Variants in CCDC85A observed in about 807,000 individuals in gnomAD.
CCDC85A encodes coiled-coil domain-containing protein 85A.
A neutral mutation model predicts 50.2 loss-of-function variants in CCDC85A; 38 were observed. That is an observed-to-expected ratio of 0.76 (90% CI 0.58 to 0.99). CCDC85A has a LOEUF of 0.99. Among genes scored for constraint, CCDC85A ranks in the 50% least tolerant of loss-of-function variants. The pLI is 0.00. For missense variants in CCDC85A, 820 were observed against 742.0 expected, an observed-to-expected ratio of 1.11 and a Z score of -1.22; for synonymous variants, 366 against 301.4, an observed-to-expected ratio of 1.21 and a Z score of -2.22.
At chr2:56,305,117 A>G (rs1672384734) in intron 2 of CCDC85A, among the ~76,000 whole-genome samples, 1 of 151,320 alleles carries the variant, frequency 6.6e-6, no homozygotes, top group Non-Finnish European at 1.5e-5. Context: ...AAAAAAAAAT[A>G]TAGGATATTA....
At chr2:56,329,736 C>T (rs768707885) in intron 2 of CCDC85A, among the ~76,000 whole-genome samples, 8 of 151,890 alleles carry the variant, frequency 5.3e-5, no homozygotes, top group Non-Finnish European at 1.2e-4. Context: ...TATGAATTCC[C>T]AATTGATTAA....
chr2:56,321,982 A>C (rs568354974), intron 2 of CCDC85A, among the ~76,000 whole-genome samples: 1 of 152,316 alleles, frequency 6.6e-6, no homozygotes, highest in South Asian at 2.1e-4. Context: ...CCTCAGAAAT[A>C]ATACCACACA....
At chr2:56,329,699 A>G (rs1573271792) in intron 2 of CCDC85A, among the ~76,000 whole-genome samples, 1 of 152,244 alleles carries the variant, frequency 6.6e-6, no homozygotes, top group Non-Finnish European at 1.5e-5. Flanking sequence ...TACAGAGTAT[A>G]TGCTGGCTAA....
chr2:56,343,986 T>C (rs1489463113), intron 3 of CCDC85A, among the ~76,000 whole-genome samples: 1 of 152,176 alleles, frequency 6.6e-6, no homozygotes, highest in Non-Finnish European at 1.5e-5. Flanking sequence ...TATCAGGTAC[T>C]GCACATAAGA....
chr2:56,352,792 C>T (rs866374890), intron 3 of CCDC85A, among the ~76,000 whole-genome samples: 6 of 152,190 alleles, frequency 3.9e-5, no homozygotes, highest in Admixed American at 1.3e-4. Context: ...CTAGAAATAA[C>T]ACCAAATAGG....
intron 2 of CCDC85A, among the ~76,000 whole-genome samples, chr2:56,235,632 A>G (rs920450407): frequency 1.3e-5 from 2 of 152,190 alleles, no homozygotes; most frequent in African/African-American, 4.8e-5. Flanking sequence ...CACAGGCATC[A>G]GTGTCATAAT....
intron 3 of CCDC85A, among the ~76,000 whole-genome samples, chr2:56,345,815 T>G (rs1173894620): frequency 6.6e-6 from 1 of 152,216 alleles, no homozygotes; most frequent in Non-Finnish European, 1.5e-5. Context: ...AGAAACTGTT[T>G]CTAACTATGA....
chr2:56,256,342 G>C (rs1337484543), intron 2 of CCDC85A, among the ~76,000 whole-genome samples: 1 of 152,104 alleles, frequency 6.6e-6, no homozygotes, highest in African/African-American at 2.4e-5. Flanking sequence ...TGGTGTATGA[G>C]AATTAATTAA....
At chr2:56,290,849 C>G (rs927376922) in intron 2 of CCDC85A, among the ~76,000 whole-genome samples, 2 of 152,256 alleles carry the variant, frequency 1.3e-5, no homozygotes, top group East Asian at 1.9e-4. Flanking sequence ...AAAATTGGCT[C>G]TTTTGCCACG....
chr2:56,301,707 A>G (rs1672212210), intron 2 of CCDC85A, among the ~76,000 whole-genome samples: 1 of 152,178 alleles, frequency 6.6e-6, no homozygotes, highest in African/African-American at 2.4e-5. Flanking sequence ...AGTTTAAAAG[A>G]TCAGAAAACC....
intron 1 of CCDC85A, among the ~76,000 whole-genome samples, chr2:56,189,647 A>G (rs1442024008): frequency 6.6e-6 from 1 of 152,072 alleles, no homozygotes; most frequent in African/African-American, 2.4e-5. Context: ...CGGAGAGTAC[A>G]CTGTGTGATG....
chr2:56,373,379 T>TAAA (rs113972496), intron 4 of CCDC85A, among the ~76,000 whole-genome samples: 1 of 138,292 alleles, frequency 7.2e-6, no homozygotes, highest in African/African-American at 2.6e-5. Flanking sequence ...ACTACTTTCA[T>TAAA]AAAAAAAAAA....
intron 2 of CCDC85A, among the ~76,000 whole-genome samples, chr2:56,221,502 A>G (rs1054917059): frequency 6.6e-6 from 1 of 152,058 alleles, no homozygotes; most frequent in Non-Finnish European, 1.5e-5. Flanking sequence ...AGTTAACTGT[A>G]TGTATTCCCA....
In CCDC85A at chr2:56,266,587, C is replaced by CCCCCT. The variant is rs1553402020; in HGVS notation, c.1240+73150_1240+73151insCTCCC. 2.2e-5 allele frequency among the ~76,000 whole-genome samples: 3 copies of CCCCCT among 136,462 alleles called. 1 individual carries two copies. Among genetic ancestry groups the CCCCCT allele is most frequent in the African/African-American group, 8.1e-5 (3 of 37,098 alleles). The allele number at this position is 136,462 out of a possible 152,430, so 89.5% of individuals were successfully genotyped here. A position where few individuals can be genotyped will look rare whatever the true frequency, so the allele number is the denominator to read the frequency against. On this transcript the variant is annotated intron_variant, in intron 2 of 5. Coordinates refer to ENST00000407595, the MANE Select transcript of CCDC85A (RefSeq NM_001080433.2). Reference sequence around the variant, plus strand: ...CAATTAACAATAACGCGCCCCCCCCCCCCATAATCTTCTTCCTCCAAAAAA... The same window carrying CCCCCT: ...CAATTAACAATAACGCGCCCCCCCCCCCCCTCCCATAATCTTCTTCCTCCAAAAAA...
rs903540615 is a variant in CCDC85A at position 56,203,403 on chromosome 2, A to G, written c.1240+9963A>G. On this transcript the variant is annotated intron_variant, in intron 2 of 5. Coordinates refer to ENST00000407595, the MANE Select transcript of CCDC85A (RefSeq NM_001080433.2). ...CTGTATCTCTTTAGCACTTAAATGG[A>G]CATCAAGTTCAAGTCTTCAGTCCCT... is the stretch of plus-strand genomic sequence containing the variant. Among the ~76,000 whole-genome samples the G allele has an allele frequency of 2.0e-5, 3 of 151,856 alleles. No individual in the cohort carries two copies. The East Asian group carries it at 5.8e-4, about 29-fold the overall frequency.
chr2:56,272,410 A>G (rs1374406926), intron 2 of CCDC85A, among the ~76,000 whole-genome samples: 1 of 152,162 alleles, frequency 6.6e-6, no homozygotes, highest in African/African-American at 2.4e-5. Flanking sequence ...GCAAGTCTGA[A>G]CACTCCCCAA....
At chr2:56,328,959 G>A (rs1673618642) in intron 2 of CCDC85A, among the ~76,000 whole-genome samples, 1 of 152,056 alleles carries the variant, frequency 6.6e-6, no homozygotes, top group Non-Finnish European at 1.5e-5. Flanking sequence ...ATCAGATTAT[G>A]TTGCCACAGT....
intron 2 of CCDC85A, among the ~76,000 whole-genome samples, chr2:56,326,397 T>C (rs1673473250): frequency 6.6e-6 from 1 of 152,180 alleles, no homozygotes; most frequent in African/African-American, 2.4e-5. Flanking sequence ...TCTGATTTGC[T>C]TGCTTGACCA....
At position 56,233,207 on chromosome 2, in the gene CCDC85A, T is replaced by C. The variant is rs78427308; in HGVS notation, c.1240+39767T>C. Among the ~76,000 whole-genome samples the C allele has an allele frequency of 2.6e-5, 4 of 152,306 alleles. No homozygotes were observed. The East Asian group carries it at 5.8e-4, about 22-fold the overall frequency. ...TGGGCTACTGATTGGTTGGTGCACA[T>C]TGATAGTACTTTCCCGGATAGGCAA... is the stretch of plus-strand genomic sequence containing the variant. On this transcript the variant is annotated intron_variant, in intron 2 of 5. Transcript: ENST00000407595.
Sources: gnomAD v4.1 joint callset for allele counts (sites outside exome capture counted in the v4.1 genomes callset) on GRCh38, gnomAD v4.1.1 for gene constraint, MANE v1.5 for transcripts, NCBI Gene and HGNC (gene_info 2026-07-23, HGNC 2026-07-21) for gene names.